Variants in RBFOX1 observed in about 807,000 individuals in gnomAD.
The protein encoded by RBFOX1 is RNA binding protein fox-1 homolog 1.
Under a neutral mutation model 57.7 loss-of-function variants are expected in RBFOX1, and 8 were observed. That is an observed-to-expected ratio of 0.14 (90% CI 0.08 to 0.25). The LOEUF (loss-of-function observed/expected upper bound fraction) is 0.25. RBFOX1 is among the 10% of genes least tolerant of loss of function. The pLI is 1.00. For synonymous variants in RBFOX1, 326 were observed against 222.4 expected, an observed-to-expected ratio of 1.47 and a Z score of -4.15; for missense variants, 611 against 548.5, an observed-to-expected ratio of 1.11 and a Z score of -1.14.
chr16:6,390,160 C>G (rs1370286641), intron 2 of RBFOX1, among the ~76,000 whole-genome samples: 1 of 152,212 alleles, frequency 6.6e-6, no homozygotes, highest in African/African-American at 2.4e-5. Context: ...TTATCCTTGG[C>G]ACTGTATGCG....
rs925577390 is a variant in RBFOX1 at position 6,857,778 on chromosome 16, A to C, written c.-15-194279A>C. 1.1e-4 allele frequency among the ~76,000 whole-genome samples: 16 copies of C among 152,234 alleles called. No homozygotes were observed. In the East Asian group the frequency reaches 2.7e-3, roughly 26 times the overall value. On this transcript the variant is annotated intron_variant, in intron 3 of 15. Coordinates refer to ENST00000550418, the MANE Select transcript of RBFOX1 (RefSeq NM_018723.4). Reference sequence around the variant, plus strand: ...GGAATGCGAATTTTGTTCTGTCAGCACTTTCTTGCCCCAGCTTTAGCCCAA... The same window carrying C: ...GGAATGCGAATTTTGTTCTGTCAGCCCTTTCTTGCCCCAGCTTTAGCCCAA...
intron 4 of RBFOX1, among the ~76,000 whole-genome samples, chr16:7,488,371 A>C (rs972813640): frequency 1.1e-4 from 16 of 152,132 alleles, no homozygotes; most frequent in African/African-American, 3.9e-4. Context: ...TTAGATATAC[A>C]ACTATGTACA....
intron 11 of RBFOX1, among the ~76,000 whole-genome samples, chr16:7,632,269 C>T (rs548342891): frequency 6.6e-6 from 1 of 152,178 alleles, no homozygotes; most frequent in Non-Finnish European, 1.5e-5. Flanking sequence ...TTTTCTGTGC[C>T]TCCCAAGAAG....
intron 11 of RBFOX1, among the ~76,000 whole-genome samples, chr16:7,648,471 C>A (rs928188494): frequency 1.3e-5 from 2 of 152,138 alleles, no homozygotes; most frequent in African/African-American, 4.8e-5. Context: ...GATCTGCCCA[C>A]CTTGGCCTCC....
intron 3 of RBFOX1, among the ~76,000 whole-genome samples, chr16:6,992,682 C>G (rs181609004): frequency 1.9e-4 from 29 of 152,138 alleles, no homozygotes; most frequent in Non-Finnish European, 4.4e-5. Context: ...GTTAGAGCCA[C>G]AAAGGGCTTC....
intron 7 of RBFOX1, among the ~76,000 whole-genome samples, chr16:7,590,766 G>A (rs747304474): frequency 8.6e-5 from 13 of 150,982 alleles, no homozygotes; most frequent in Admixed American, 2.0e-4. Flanking sequence ...GGCTGAGGCA[G>A]GAGAATCACT....
chr16:5,882,390 C>T (rs985042587), intron 4 of RBFOX1, among the ~76,000 whole-genome samples: 1 of 152,200 alleles, frequency 6.6e-6, no homozygotes, highest in African/African-American at 2.4e-5. Context: ...TGGGCAACAC[C>T]TGGAAAAGTC....
At chr16:5,898,834 A>G (rs1029504203) in intron 4 of RBFOX1, among the ~76,000 whole-genome samples, 1 of 151,664 alleles carries the variant, frequency 6.6e-6, no homozygotes. Context: ...CTGAGAAGGG[A>G]ACATTGCTTG....
intron 4 of RBFOX1, among the ~76,000 whole-genome samples, chr16:7,329,091 A>G (rs894400344): frequency 6.6e-6 from 1 of 152,228 alleles, no homozygotes; most frequent in Non-Finnish European, 1.5e-5. Context: ...TTTTCACGCT[A>G]CAACAGCAGA....
At chr16:7,500,870 T>C (rs981131151) in intron 4 of RBFOX1, among the ~76,000 whole-genome samples, 1 of 152,166 alleles carries the variant, frequency 6.6e-6, no homozygotes, top group Non-Finnish European at 1.5e-5. Flanking sequence ...TGGGAGGTAA[T>C]TGAATGATGG....
intron 1 of RBFOX1, among the ~76,000 whole-genome samples, chr16:6,254,088 C>G (rs2097645577): frequency 6.6e-6 from 1 of 152,102 alleles, no homozygotes; most frequent in African/African-American, 2.4e-5. Flanking sequence ...TCAAGGAATT[C>G]CAGTGAGAAT....
chr16:6,213,884 C>T (rs1032946559), intron 1 of RBFOX1, among the ~76,000 whole-genome samples: 1 of 152,100 alleles, frequency 6.6e-6, no homozygotes, highest in African/African-American at 2.4e-5. Flanking sequence ...AGGGGATGTC[C>T]CATGAATTAT....
intron 2 of RBFOX1, among the ~76,000 whole-genome samples, chr16:5,490,490 G>A (rs941393351): frequency 3.9e-5 from 6 of 152,172 alleles, no homozygotes; most frequent in Non-Finnish European, 7.3e-5. Context: ...GGAACCTGGC[G>A]TTGCTATCCG....
intron 3 of RBFOX1, among the ~76,000 whole-genome samples, chr16:5,712,960 G>A (rs2051549402): frequency 1.6e-5 from 2 of 126,458 alleles, no homozygotes; most frequent in African/African-American, 2.8e-5. Flanking sequence ...ATCATGATTG[G>A]TCTCTGAGGA....
chr16:5,941,924 C>T (rs1379928007), intron 4 of RBFOX1, among the ~76,000 whole-genome samples: 4 of 151,444 alleles, frequency 2.6e-5, no homozygotes, highest in Non-Finnish European at 4.4e-5. Flanking sequence ...TATGAACTTT[C>T]TCCTCTATAC....
intron 4 of RBFOX1, among the ~76,000 whole-genome samples, chr16:7,314,827 T>C (rs1275828651): frequency 6.6e-6 from 1 of 152,036 alleles, no homozygotes; most frequent in East Asian, 1.9e-4. Flanking sequence ...AACAAAGGGG[T>C]TTTTGAGCCT....
chr16:6,755,643 G>C (rs74007011), intron 3 of RBFOX1, among the ~76,000 whole-genome samples: 2,880 of 152,234 alleles, frequency 0.019, 80 homozygotes, highest in African/African-American at 0.062. Context: ...TAAGGAATGA[G>C]AACTTTAGTA....
intron 3 of RBFOX1, among the ~76,000 whole-genome samples, chr16:6,719,389 T>G (rs2154160328): frequency 6.6e-6 from 1 of 152,104 alleles, no homozygotes; most frequent in Admixed American, 6.5e-5. Flanking sequence ...TTAAAATAAC[T>G]ATTACTAATA....
chr16:7,359,019 C>T (rs941474079), intron 4 of RBFOX1, among the ~76,000 whole-genome samples: 3 of 152,138 alleles, frequency 2.0e-5, no homozygotes, highest in Non-Finnish European at 4.4e-5. Context: ...TAGTTGAGTT[C>T]TTTGCTGCCT....
Sources: gnomAD v4.1 joint callset for allele counts (sites outside exome capture counted in the v4.1 genomes callset) on GRCh38, gnomAD v4.1.1 for gene constraint, MANE v1.5 for transcripts, NCBI Gene and HGNC (gene_info 2026-07-23, HGNC 2026-07-21) for gene names.